Variants in ENOX1 observed in about 807,000 individuals in gnomAD.
The protein encoded by ENOX1 is ecto-NOX disulfide-thiol exchanger 1.
In ENOX1, 42 loss-of-function variants were observed where a neutral mutation model predicts 82.5. The observed-to-expected ratio is 0.51, with a 90% CI of 0.40 to 0.66. The LOEUF is 0.66. ENOX1 is among the 30% of genes least tolerant of loss of function. ENOX1 has a pLI of 0.00. For missense variants in ENOX1, 608 were observed against 811.6 expected (o/e 0.75, Z 3.05); for synonymous variants, 271 against 282.2 (o/e 0.96, Z 0.40).
chr13:43,267,642 G>A (rs1305473251), intron 13 of ENOX1, among the ~76,000 whole-genome samples: 1 of 152,216 alleles, frequency 6.6e-6, no homozygotes, highest in African/African-American at 2.4e-5. Flanking sequence ...AGTGGTCAGT[G>A]GAGGTGAGAG....
At chr13:43,715,411 GTCTTGGAGTA>G (rs1219789805) in intron 1 of ENOX1, among the ~76,000 whole-genome samples, 1 of 151,794 alleles carries the variant, frequency 6.6e-6, no homozygotes, top group Non-Finnish European at 1.5e-5. Context: ...TTCTCGGAGT[GTCTTGGAGTA>G]TCTTTGTGGC....
intron 2 of ENOX1, among the ~76,000 whole-genome samples, chr13:43,502,853 C>A (rs1407794129): frequency 6.6e-6 from 1 of 151,176 alleles, no homozygotes; most frequent in East Asian, 1.9e-4. Flanking sequence ...CTAGCCAGAG[C>A]AATCAGGCAA....
chr13:43,521,052 A>G (rs1220978421), intron 2 of ENOX1, among the ~76,000 whole-genome samples: 6 of 152,244 alleles, frequency 3.9e-5, no homozygotes, highest in South Asian at 2.1e-4. Flanking sequence ...ATGCATGAGG[A>G]CATATCACTA....
At chr13:43,736,434 C>T (rs2089634328) in intron 1 of ENOX1, among the ~76,000 whole-genome samples, 1 of 152,118 alleles carries the variant, frequency 6.6e-6, no homozygotes, top group African/African-American at 2.4e-5. Flanking sequence ...ACTGTGATGC[C>T]TTTAATTTGG....
chr13:43,729,083 G>A (rs1486287170), intron 1 of ENOX1, among the ~76,000 whole-genome samples: 1 of 152,022 alleles, frequency 6.6e-6, no homozygotes, highest in Admixed American at 6.6e-5. Context: ...GAAAACTGAG[G>A]CCCAAAAAAG....
At chr13:43,261,077 G>A (rs895331097) in intron 14 of ENOX1, among the ~76,000 whole-genome samples, 1 of 152,162 alleles carries the variant, frequency 6.6e-6, no homozygotes, top group Admixed American at 6.5e-5. Flanking sequence ...GCATGCATTC[G>A]CAGATGATCT....
intron 15 of ENOX1, among the ~76,000 whole-genome samples, chr13:43,230,075 A>G (rs1313696721): frequency 6.6e-6 from 1 of 152,198 alleles, no homozygotes; most frequent in African/African-American, 2.4e-5. Context: ...AAGGCTGGAG[A>G]AGCCCAAAAT....
intron 2 of ENOX1, among the ~76,000 whole-genome samples, chr13:43,560,739 A>G (rs553398975): frequency 6.6e-6 from 1 of 152,324 alleles, no homozygotes; most frequent in East Asian, 1.9e-4. Flanking sequence ...ATTAAATAAT[A>G]TATTGGTAAT....
rs189916885 is a variant in ENOX1, at chr13:43,537,066, G to A, written c.-218-52914C>T. 2.0e-5 allele frequency among the ~76,000 whole-genome samples: 3 copies of A among 152,336 alleles called. No individual in the cohort carries two copies. In the East Asian group the frequency reaches 5.8e-4, roughly 29 times the overall value. The stretch of plus-strand genomic sequence containing the variant: ...TAGGTAAAGTCTTTGAATACTGAGA[G>A]ACTGGTTCAGTGGGCACTCATGAAT... On this transcript the variant is annotated intron_variant, in intron 2 of 16. Coordinates refer to ENST00000690772, the MANE Select transcript of ENOX1 (RefSeq NM_001347969.2).
chr13:43,696,178 TTTTG>T (rs1264064299), intron 1 of ENOX1, among the ~76,000 whole-genome samples: 1 of 152,236 alleles, frequency 6.6e-6, no homozygotes, highest in African/African-American at 2.4e-5. Flanking sequence ...TAATACCAGA[TTTTG>T]TTTATCTATT....
chr13:43,553,467 C>T (rs77243197), intron 2 of ENOX1, among the ~76,000 whole-genome samples: 1,916 of 152,278 alleles, frequency 0.013, 34 homozygotes, highest in African/African-American at 0.044. Flanking sequence ...AAGTACTCAC[C>T]GCTTCTTTAA....
At chr13:43,259,046 T>A (rs1175669563) in intron 14 of ENOX1, among the ~76,000 whole-genome samples, 1 of 152,178 alleles carries the variant, frequency 6.6e-6, no homozygotes, top group Non-Finnish European at 1.5e-5. Flanking sequence ...CAGTGCCCAG[T>A]GTGTCCAAGG....
chr13:43,584,694 A>G (rs2080898153), intron 2 of ENOX1, among the ~76,000 whole-genome samples: 2 of 152,216 alleles, frequency 1.3e-5, no homozygotes, highest in African/African-American at 4.8e-5. Context: ...CATTCTGAAT[A>G]CAAGAGTTCC....
chr13:43,256,216 A>G (rs1469465309), intron 14 of ENOX1, among the ~76,000 whole-genome samples: 2 of 152,176 alleles, frequency 1.3e-5, no homozygotes, highest in Non-Finnish European at 2.9e-5. Context: ...GAAAACATTG[A>G]GGAAATGCTC....
intron 5 of ENOX1, among the ~76,000 whole-genome samples, chr13:43,367,973 G>A (rs2050960348): frequency 1.3e-5 from 2 of 152,110 alleles, no homozygotes; most frequent in African/African-American, 4.8e-5. Context: ...TTCCCTTTGT[G>A]AAATAAACAA....
chr13:43,245,059 G>C (rs1381353565), intron 14 of ENOX1, among the ~76,000 whole-genome samples: 1 of 152,164 alleles, frequency 6.6e-6, no homozygotes, highest in Non-Finnish European at 1.5e-5. Context: ...ACTGTGGTTG[G>C]GGGAGGATGG....
At chr13:43,265,844 G>C (rs996139347) in intron 13 of ENOX1, among the ~76,000 whole-genome samples, 2 of 152,162 alleles carry the variant, frequency 1.3e-5, no homozygotes, top group Non-Finnish European at 2.9e-5. Context: ...TTATATTAAC[G>C]ATTATTCGTG....
intron 11 of ENOX1, among the ~76,000 whole-genome samples, chr13:43,320,125 G>C (rs1400736765): frequency 6.6e-6 from 1 of 152,194 alleles, no homozygotes; most frequent in Non-Finnish European, 1.5e-5. Flanking sequence ...AAAAACAACT[G>C]CCTGCCTTTG....
intron 2 of ENOX1, chr13:43,545,665 A>G (rs998836413): frequency 1.3e-5 from 2 of 152,282 alleles, no homozygotes; most frequent in African/African-American, 4.8e-5. Context: ...GGACTGAGAA[A>G]TAGCAAGAAA....
Sources: gnomAD v4.1 joint callset for allele counts (sites outside exome capture counted in the v4.1 genomes callset) on GRCh38, gnomAD v4.1.1 for gene constraint, MANE v1.5 for transcripts, NCBI Gene and HGNC (gene_info 2026-07-23, HGNC 2026-07-21) for gene names.